The following CNTNAP2 variants were observed in gnomAD, a reference collection of about 807,000 sequenced individuals.
CNTNAP2 encodes the protein contactin-associated protein-like 2.
A neutral mutation model predicts 155.2 loss-of-function variants in CNTNAP2; 98 were observed. The observed-to-expected ratio is 0.63, with a 90% confidence interval of 0.54 to 0.75. The LOEUF (loss-of-function observed/expected upper bound fraction) is 0.75. Among genes scored for constraint, CNTNAP2 ranks in the 30% least tolerant of loss-of-function variants. The pLI is 0.00. For synonymous variants in CNTNAP2, 651 were observed against 631.2 expected (o/e 1.03, Z -0.47); for missense variants, 1,727 against 1,688.1 (o/e 1.02, Z -0.40).
chr7:146,587,279 A>C (rs1798707160), intron 1 of CNTNAP2, among the ~76,000 whole-genome samples: 1 of 151,984 alleles, frequency 6.6e-6, no homozygotes, highest in Non-Finnish European at 1.5e-5. Context: ...AGCTGTACAT[A>C]TTTTCTACTA....
At position 147,273,170 on chromosome 7, in the gene CNTNAP2, C is replaced by T. The variant is rs142476923; in HGVS notation, c.1349-26971C>T. Among the ~76,000 whole-genome samples the T allele has an allele frequency of 8.5e-3, 1,287 of 152,164 alleles. 8 individuals carry two copies. Among genetic ancestry groups the T allele is most frequent in the Middle Eastern group, 0.034 (10 of 294 alleles). ...CAGCACTGAGGACAATCTAAACGGGCGGGATTGAATTCACCTTATCACCAC... is the reference window on the plus strand; with the variant it reads ...CAGCACTGAGGACAATCTAAACGGGTGGGATTGAATTCACCTTATCACCAC... On this transcript the variant is annotated intron_variant, in intron 8 of 23. Transcript: ENST00000361727.
intron 18 of CNTNAP2, among the ~76,000 whole-genome samples, chr7:148,207,743 G>A (rs1795474806): frequency 6.6e-6 from 1 of 152,096 alleles, no homozygotes; most frequent in South Asian, 2.1e-4. Context: ...GATGTAAGGC[G>A]GGTCACTGAA....
intron 10 of CNTNAP2, among the ~76,000 whole-genome samples, chr7:147,448,242 A>G (rs1162738596): frequency 6.6e-6 from 1 of 152,116 alleles, no homozygotes; most frequent in Non-Finnish European, 1.5e-5. Context: ...TTAATCTTAA[A>G]AACACAATGT....
At chr7:147,865,623 G>T (rs34463337) in intron 13 of CNTNAP2, among the ~76,000 whole-genome samples, 2 of 151,896 alleles carry the variant, frequency 1.3e-5, no homozygotes, top group Non-Finnish European at 2.9e-5. Flanking sequence ...TTGGTCTATT[G>T]AGAGATTCAA....
intron 15 of CNTNAP2, among the ~76,000 whole-genome samples, chr7:148,002,283 C>A (rs981574299): frequency 6.6e-6 from 1 of 152,100 alleles, no homozygotes; most frequent in Non-Finnish European, 1.5e-5. Context: ...TTCAAAATGA[C>A]AGCAAAATGT....
intron 8 of CNTNAP2, among the ~76,000 whole-genome samples, chr7:147,247,293 T>A (rs1397787671): frequency 1.3e-5 from 2 of 152,204 alleles, no homozygotes; most frequent in Non-Finnish European, 2.9e-5. Flanking sequence ...GCAGGTCTGC[T>A]AAACAACAGA....
At chr7:146,246,393 G>A (rs1799655307) in intron 1 of CNTNAP2, among the ~76,000 whole-genome samples, 1 of 150,768 alleles carries the variant, frequency 6.6e-6, no homozygotes, top group African/African-American at 2.5e-5. Context: ...ATAACTAAAA[G>A]GAGTGCTTAA....
intron 11 of CNTNAP2, among the ~76,000 whole-genome samples, chr7:147,543,284 G>A (rs851825): frequency 0.49 from 73,783 of 152,110 alleles, 18,049 homozygotes; most frequent in East Asian, 0.61. Context: ...TATTGTTTGT[G>A]ACTTAAGAAT....
intron 1 of CNTNAP2, among the ~76,000 whole-genome samples, chr7:146,683,734 C>T (rs563678279): frequency 6.6e-6 from 1 of 152,102 alleles, no homozygotes; most frequent in Non-Finnish European, 1.5e-5. Context: ...ATGAAAATAT[C>T]CTCCTATTAA....
intron 18 of CNTNAP2, among the ~76,000 whole-genome samples, chr7:148,200,783 T>C (rs892974408): frequency 6.6e-6 from 1 of 152,240 alleles, no homozygotes; most frequent in African/African-American, 2.4e-5. Context: ...TAGTAGTTAA[T>C]AGTAAGAACT....
rs148668956 is a variant in CNTNAP2, at chr7:147,017,392, C to G, written c.403-26515C>G. On this transcript the variant is annotated intron_variant, in intron 3 of 23. Coordinates refer to ENST00000361727, the MANE Select transcript of CNTNAP2 (RefSeq NM_014141.6). ...ATTTTTTTACTTTAGTAGGATTTCTCTACTAGCAATTGTAATTATTGTATT... is the reference window on the plus strand; with the variant it reads ...ATTTTTTTACTTTAGTAGGATTTCTGTACTAGCAATTGTAATTATTGTATT... 6.5e-3 allele frequency among the ~76,000 whole-genome samples: 987 copies of G among 151,988 alleles called. 14 individuals carry two copies. Among genetic ancestry groups the G allele is most frequent in the African/African-American group, 0.022 (920 of 41,458 alleles).
intron 11 of CNTNAP2, among the ~76,000 whole-genome samples, chr7:147,490,639 C>T (rs534303936): frequency 2.0e-5 from 3 of 152,298 alleles, no homozygotes; most frequent in South Asian, 4.1e-4. Flanking sequence ...GGAGTTTCTA[C>T]AACTTAGGCA....
intron 13 of CNTNAP2, among the ~76,000 whole-genome samples, chr7:147,880,233 G>C (rs2116714349): frequency 6.6e-6 from 1 of 152,182 alleles, no homozygotes; most frequent in Non-Finnish European, 1.5e-5. Context: ...CACAGAGAAG[G>C]GTGGTCATGG....
chr7:147,997,842 G>T (rs1386068545), intron 15 of CNTNAP2, among the ~76,000 whole-genome samples: 2 of 152,110 alleles, frequency 1.3e-5, no homozygotes, highest in Non-Finnish European at 2.9e-5. Context: ...CGCAGTAGCC[G>T]CACATGCGTG....
At chr7:146,774,520 C>T (rs1802353786) in intron 2 of CNTNAP2, 139 bp downstream of exon 2, 2 of 658,930 alleles carry the variant, frequency 3.0e-6, no homozygotes, top group South Asian at 3.3e-5. Context: ...TTAAAAGATC[C>T]ATAGATGCCA....
At chr7:146,711,614 A>G (rs908288541) in intron 1 of CNTNAP2, among the ~76,000 whole-genome samples, 2 of 149,296 alleles carry the variant, frequency 1.3e-5, no homozygotes, top group Non-Finnish European at 3.0e-5. Context: ...TTAAGACACT[A>G]AGGTGGAACC....
intron 21 of CNTNAP2, among the ~76,000 whole-genome samples, chr7:148,322,491 A>T (rs1423972873): frequency 6.6e-6 from 1 of 152,232 alleles, no homozygotes; most frequent in Non-Finnish European, 1.5e-5. Context: ...CCTCTCTAGG[A>T]TAACTTTTGT....
chr7:147,924,240 G>T (rs1206970170), intron 14 of CNTNAP2, among the ~76,000 whole-genome samples: 2 of 151,252 alleles, frequency 1.3e-5, no homozygotes, highest in African/African-American at 4.9e-5. Flanking sequence ...CTGGGCTCAA[G>T]TGATTCTCTT....
At chr7:147,981,786 GGTGTGTGTGT>G (rs57272792) in intron 15 of CNTNAP2, among the ~76,000 whole-genome samples, 17 of 143,776 alleles carry the variant, frequency 1.2e-4, no homozygotes, top group African/African-American at 4.4e-4. Context: ...TGTCCTTACA[GGTGTGTGTGT>G]GTGTGTGTGT....
Sources: gnomAD v4.1 joint callset for allele counts (sites outside exome capture counted in the v4.1 genomes callset) on GRCh38, gnomAD v4.1.1 for gene constraint, MANE v1.5 for transcripts, NCBI Gene and HGNC (gene_info 2026-07-23, HGNC 2026-07-21) for gene names.